The following ATG7 variants were observed in gnomAD, a reference collection of about 807,000 sequenced individuals.
ATG7 encodes autophagy related 7.
In ATG7, 70 loss-of-function variants were observed where a neutral mutation model predicts 82.4. The observed-to-expected ratio is 0.85, with a 90% CI of 0.70 to 1.04. The LOEUF is 1.04. Among genes scored for constraint, ATG7 ranks in the 50% least tolerant of loss-of-function variants. The probability of loss-of-function intolerance (pLI) is 0.00; values close to 1 mark genes in which losing one functional copy is unlikely to be tolerated. For missense variants in ATG7, 792 were observed against 864.3 expected (o/e 0.92, Z 1.05); for synonymous variants, 287 against 313.0 (o/e 0.92, Z 0.88).
chr3:11,451,306 G>C (rs2085108944), intron 20 of ATG7, among the ~76,000 whole-genome samples: 1 of 151,676 alleles, frequency 6.6e-6, no homozygotes, highest in African/African-American at 2.4e-5. Context: ...CGGCCTCCTG[G>C]GTACAAGTGA....
intron 20 of ATG7, among the ~76,000 whole-genome samples, chr3:11,489,995 G>A (rs543348025): frequency 1.7e-3 from 253 of 152,034 alleles, no homozygotes; most frequent in South Asian, 3.7e-3. Context: ...TATTAGGTCC[G>A]CTTGGTGCAG....
chr3:11,333,032 G>A lies in ATG7; in HGVS notation c.828G>A (p.Ala276=), dbSNP rs372037823. ...VCFRDRTMQG[A]RDVAHSIIFE... ...TCCGTGACCGTACCATGCAGGGGGC[G>A]AGAGACGTTGCCCACAGCATCATCT... Residue 276 remains alanine (A), a synonymous_variant, in exon 11 of 21, where the codon GCG becomes GCA. Coordinates refer to ENST00000693202, the MANE Select transcript of ATG7 (RefSeq NM_001349232.2). 1.9e-6 allele frequency: 3 copies of A among 1,576,314 alleles called. No homozygotes were observed. The highest frequency in any genetic ancestry group is 2.4e-5 in the East Asian group (1 of 41,782).
Position 11,554,979 on chromosome 3 carries a change from C to G in ATG7, c.*136C>G. On this transcript the variant is annotated 3_prime_UTR_variant, in exon 21 of 21. Coordinates refer to ENST00000693202, the MANE Select transcript of ATG7 (RefSeq NM_001349232.2). ...ACCCCGAGGTCTGGGATTCCCCCCT[C>G]TGCTGCCCAGGAGTGGCCAGTGTTC... 3 of 1,156,114 alleles carry G rather than the reference C, an allele frequency of 2.6e-6. 1 individual carries two copies. The South Asian group carries it at 4.7e-5, about 18-fold the overall frequency. 71.6% of individuals were successfully genotyped at this position (1,156,114 alleles called of 1,614,324 possible). A position where few individuals can be genotyped will look rare whatever the true frequency, so the allele number is the denominator to read the frequency against.
intron 1 of ATG7, chr3:11,272,686 A>G (rs1236483981): frequency 6.6e-6 from 1 of 152,102 alleles, no homozygotes; most frequent in Non-Finnish European, 1.5e-5. Flanking sequence ...CTGATTTCCT[A>G]AGTCAGCCCC....
chr3:11,373,362 AT>A (rs887101789), intron 18 of ATG7, among the ~76,000 whole-genome samples: 5 of 152,232 alleles, frequency 3.3e-5, no homozygotes, highest in African/African-American at 1.2e-4. Context: ...AAGTGCTTCC[AT>A]CCGTTTTCTG....
intron 20 of ATG7, among the ~76,000 whole-genome samples, chr3:11,509,606 C>G (rs2091939105): frequency 6.6e-6 from 1 of 152,140 alleles, no homozygotes; most frequent in Admixed American, 6.5e-5. Context: ...TTTATTTAGT[C>G]TCAGAGGCAC....
chr3:11,570,839 C>G, the ATG7 span, among the ~76,000 whole-genome samples: 15 of 152,198 alleles, frequency 9.9e-5, no homozygotes, highest in African/African-American at 3.4e-4. Context: ...AAGCACCCCA[C>G]AACACACACA....
In ATG7 at chr3:11,557,071, G is replaced by A. The variant is rs969030947; in HGVS notation, c.*2228G>A. The A allele has an allele frequency of 6.6e-6, 1 of 152,448 alleles. No individual in the cohort carries two copies. Among genetic ancestry groups the A allele is most frequent in the African/African-American group, 2.4e-5 (1 of 41,430 alleles). 9.4% of individuals were successfully genotyped at this position (152,448 alleles called of 1,614,324 possible). A position where few individuals can be genotyped will look rare whatever the true frequency, so the allele number is the denominator to read the frequency against. ...GAGGTGACCACGCCCACGTCACCTG[G>A]TCAGGTGCCATCGTCGTGAGCCTCT... On this transcript the variant is annotated 3_prime_UTR_variant, in exon 21 of 21. Transcript: ENST00000693202.
chr3:11,401,541 C>T (rs2079837968), intron 19 of ATG7, among the ~76,000 whole-genome samples: 1 of 152,230 alleles, frequency 6.6e-6, no homozygotes, highest in Admixed American at 6.5e-5. Context: ...CCACTCACAG[C>T]CTCACTAAGG....
chr3:11,530,579 C>T (rs908097762), intron 20 of ATG7, among the ~76,000 whole-genome samples: 1 of 152,166 alleles, frequency 6.6e-6, no homozygotes, highest in African/African-American at 2.4e-5. Flanking sequence ...AAATGAATCC[C>T]CTCCTCTGAG....
intron 11 of ATG7, among the ~76,000 whole-genome samples, chr3:11,336,334 A>T (rs866684820): frequency 5.9e-5 from 9 of 152,182 alleles, no homozygotes; most frequent in African/African-American, 1.7e-4. Context: ...CGTCCAGCCG[A>T]TGCTGACATT....
At chr3:11,485,358 C>A (rs569943324) in intron 20 of ATG7, among the ~76,000 whole-genome samples, 2 of 152,310 alleles carry the variant, frequency 1.3e-5, no homozygotes, top group African/African-American at 4.8e-5. Flanking sequence ...AGTGTCTGTT[C>A]ATATTCTTCG....
At chr3:11,468,217 G>A (rs2087034111) in intron 20 of ATG7, among the ~76,000 whole-genome samples, 2 of 152,170 alleles carry the variant, frequency 1.3e-5, no homozygotes, top group Non-Finnish European at 2.9e-5. Context: ...AAGGTATTTA[G>A]CAAATTATTT....
At chr3:11,516,174 A>G (rs2092275418) in intron 20 of ATG7, among the ~76,000 whole-genome samples, 1 of 152,164 alleles carries the variant, frequency 6.6e-6, no homozygotes, top group Non-Finnish European at 1.5e-5. Flanking sequence ...GGGAAGATAT[A>G]CAGATGGCAA....
At chr3:11,366,917 C>G (rs377386694) in intron 18 of ATG7, among the ~76,000 whole-genome samples, 1 of 151,082 alleles carries the variant, frequency 6.6e-6, no homozygotes. Context: ...TTGGCCATCT[C>G]TTCATTTGCC....
chr3:11,311,994 T>G lies in ATG7; in HGVS notation c.412-1310T>G, dbSNP rs187814744. Among the ~76,000 whole-genome samples the G allele has an allele frequency of 1.1e-4, 17 of 151,166 alleles. 1 individual carries two copies. The highest frequency in any genetic ancestry group is 4.3e-4 in the South Asian group (2 of 4,690). ...AAATCCACAGAGACAGAAAATAGAT[T>G]AGTGGTTGCCAGGGGATGAGAAGAG... On this transcript the variant is annotated intron_variant, in intron 7 of 20. Transcript: ENST00000693202.
chr3:11,526,936 T>A (rs935276876), intron 20 of ATG7, among the ~76,000 whole-genome samples: 1 of 151,886 alleles, frequency 6.6e-6, no homozygotes, highest in Non-Finnish European at 1.5e-5. Context: ...TAAAAAACTT[T>A]TTCTGCATCT....
chr3:11,281,679 C>T (rs1943063864), intron 2 of ATG7, among the ~76,000 whole-genome samples: 1 of 149,688 alleles, frequency 6.7e-6, no homozygotes, highest in Non-Finnish European at 1.5e-5. Flanking sequence ...GAGGCTGAGG[C>T]AGGAGAATTG....
intron 20 of ATG7, among the ~76,000 whole-genome samples, chr3:11,436,925 A>G (rs1478801806): frequency 6.6e-6 from 1 of 152,208 alleles, no homozygotes; most frequent in Non-Finnish European, 1.5e-5. Flanking sequence ...TTAAGGGAAA[A>G]TCAGTGGCTA....
Sources: allele counts gnomAD v4.1 joint callset (sites outside exome capture counted in the v4.1 genomes callset), GRCh38; gene constraint gnomAD v4.1.1; transcripts MANE v1.5; gene names NCBI Gene and HGNC (gene_info 2026-07-23, HGNC 2026-07-21).